Variants in ASAP3 observed in about 807,000 individuals in gnomAD.
The protein encoded by ASAP3 is arf-GAP with SH3 domain, ANK repeat and PH domain-containing protein 3.
A neutral mutation model predicts 118.2 loss-of-function variants in ASAP3; 85 were observed. The observed-to-expected ratio is 0.72, with a 90% CI of 0.60 to 0.86. The LOEUF (loss-of-function observed/expected upper bound fraction) is 0.86, where lower values mean the gene tolerates loss of function less well. Ranked by LOEUF, ASAP3 falls within the 40% of genes least tolerant of loss-of-function variation. The pLI is 0.00. For missense variants in ASAP3, 1,026 were observed against 1,175.0 expected (o/e 0.87, Z 1.85); for synonymous variants, 432 against 477.4 (o/e 0.90, Z 1.24).
intron 1 of ASAP3, among the ~76,000 whole-genome samples, chr1:23,456,788 T>C: frequency 6.6e-6 from 1 of 152,000 alleles, no homozygotes; most frequent in East Asian, 1.9e-4. Flanking sequence ...CAGGATGCTA[T>C]GGGTGAGCAG....
At chr1:23,443,882 G>A (rs554177809) in intron 5 of ASAP3, among the ~76,000 whole-genome samples, 5 of 152,054 alleles carry the variant, frequency 3.3e-5, no homozygotes, top group Admixed American at 2.6e-4. Flanking sequence ...CACCATGCCT[G>A]GCTAATTTTT....
Position 23,436,062 on chromosome 1 carries a change from G to C in ASAP3, c.1572-34C>G, listed in dbSNP as rs766347416. On this transcript the variant is annotated intron_variant, in intron 16 of 24. Coordinates refer to ENST00000336689, the MANE Select transcript of ASAP3 (RefSeq NM_017707.4). The surrounding 1 kb of genome is among the most constrained non-coding windows in gnomAD (Gnocchi z 4.2). The stretch of plus-strand genomic sequence containing the variant: ...AACAACCACAGGATCTCAGAGCATG[G>C]ACCGTGTCTGCCCAGCTGATCCCTG... The C allele has an allele frequency of 6.2e-7, 1 of 1,610,126 alleles. No homozygotes were observed. The highest frequency in any genetic ancestry group is 8.5e-7 in the Non-Finnish European group (1 of 1,176,666).
chr1:23,459,892 AC>A lies in ASAP3; in HGVS notation c.130-3699del, dbSNP rs1641514565. Among the ~76,000 whole-genome samples the A allele has an allele frequency of 4.6e-5, 7 of 152,326 alleles. No homozygotes were observed. In the South Asian group the frequency reaches 1.5e-3, roughly 32 times the overall value. ...AGTGTCCATTCTCTCTTCTTCCTTC[AC>A]AAGAAACCTGACTTTTCAGATGGCC... On this transcript the variant is annotated intron_variant, in intron 1 of 24. Coordinates refer to ENST00000336689, the MANE Select transcript of ASAP3 (RefSeq NM_017707.4).
Position 23,444,022 on chromosome 1 carries a change from C to T in ASAP3, c.474-1410G>A, listed in dbSNP as rs145053326. Among the ~76,000 whole-genome samples the T allele has an allele frequency of 2.0e-3, 310 of 152,124 alleles. 1 individual carries two copies. The highest frequency in any genetic ancestry group is 3.5e-3 in the Admixed American group (54 of 15,276). On this transcript the variant is annotated intron_variant, in intron 5 of 24. Coordinates refer to ENST00000336689, the MANE Select transcript of ASAP3 (RefSeq NM_017707.4). ...ACAGGCATGAGCCACCGTGCCTGGCCAACACCCAGCTAACTTTTGTATTTT... is the reference window on the plus strand; with the variant it reads ...ACAGGCATGAGCCACCGTGCCTGGCTAACACCCAGCTAACTTTTGTATTTT...
At position 23,442,496 on chromosome 1, in the gene ASAP3, C is replaced by A; in HGVS notation, c.585+5G>T. The A allele has an allele frequency of 6.2e-7, 1 of 1,613,362 alleles. No homozygotes were observed. Among genetic ancestry groups the A allele is most frequent in the Non-Finnish European group, 8.5e-7 (1 of 1,179,622 alleles). On this transcript the variant is annotated splice_donor_5th_base_variant and intron_variant, in intron 6 of 24. Coordinates refer to ENST00000336689, the MANE Select transcript of ASAP3 (RefSeq NM_017707.4). Reference sequence around the variant, plus strand: ...CCCCCCTCCCTCATCCAGAGCACCCCTTACCTCACACATGTGCAGCTGGAA... The same window carrying A: ...CCCCCCTCCCTCATCCAGAGCACCCATTACCTCACACATGTGCAGCTGGAA...
At chr1:23,459,172 A>G (rs1369785619) in intron 1 of ASAP3, among the ~76,000 whole-genome samples, 1 of 149,264 alleles carries the variant, frequency 6.7e-6, no homozygotes, top group South Asian at 2.1e-4. Context: ...CTCCATCTCA[A>G]AAAAAAAAAA....
chr1:23,446,399 T>C (rs866511881), intron 5 of ASAP3, among the ~76,000 whole-genome samples: 1 of 151,934 alleles, frequency 6.6e-6, no homozygotes, highest in Admixed American at 6.6e-5. Context: ...AAATATTAAA[T>C]GGAAAATTCC....
intron 5 of ASAP3, among the ~76,000 whole-genome samples, chr1:23,450,001 G>C (rs1027515043): frequency 1.3e-5 from 2 of 152,176 alleles, no homozygotes; most frequent in African/African-American, 4.8e-5. Context: ...CTCACTACCC[G>C]TCCCTGGGCC....
intron 1 of ASAP3, among the ~76,000 whole-genome samples, chr1:23,458,659 G>T (rs1270280999): frequency 6.6e-6 from 1 of 151,980 alleles, no homozygotes; most frequent in Non-Finnish European, 1.5e-5. Context: ...AGACAAAGAG[G>T]TGGAGGGGAG....
chr1:23,461,389 C>A (rs12139221), intron 1 of ASAP3, among the ~76,000 whole-genome samples: 5,559 of 152,046 alleles, frequency 0.037, 142 homozygotes, highest in Middle Eastern at 0.15. Flanking sequence ...AAAAAAAGGG[C>A]CTGGGGTGGG....
At chr1:23,456,594 A>G (rs1641395675) in intron 1 of ASAP3, among the ~76,000 whole-genome samples, 2 of 152,196 alleles carry the variant, frequency 1.3e-5, no homozygotes, top group Non-Finnish European at 2.9e-5. Context: ...TGGGGATGAT[A>G]CTAGGGGACT....
At chr1:23,463,393 C>T (rs974462184) in intron 1 of ASAP3, among the ~76,000 whole-genome samples, 16 of 151,480 alleles carry the variant, frequency 1.1e-4, no homozygotes, top group African/African-American at 3.2e-4. Context: ...CTCATCCACA[C>T]ACTCATAAAA....
At chr1:23,477,409 CT>C (rs1398543352) in intron 1 of ASAP3, among the ~76,000 whole-genome samples, 2 of 147,502 alleles carry the variant, frequency 1.4e-5, no homozygotes, top group African/African-American at 5.1e-5. Context: ...GAAGATGTTC[CT>C]TGGTGATGAG....
At chr1:23,449,125 A>C (rs1641134694) in intron 5 of ASAP3, among the ~76,000 whole-genome samples, 1 of 152,202 alleles carries the variant, frequency 6.6e-6, no homozygotes, top group Non-Finnish European at 1.5e-5. Flanking sequence ...TGGCTTGCAC[A>C]AGATTAAAAG....
chr1:23,483,020 C>T (rs1350245215), intron 1 of ASAP3, among the ~76,000 whole-genome samples: 1 of 152,100 alleles, frequency 6.6e-6, no homozygotes, highest in Admixed American at 6.5e-5. Flanking sequence ...AATCCTCTAT[C>T]ACCCTTACAA....
chr1:23,469,663 G>A (rs527671827), intron 1 of ASAP3, among the ~76,000 whole-genome samples: 3 of 152,212 alleles, frequency 2.0e-5, no homozygotes, highest in East Asian at 1.9e-4. Context: ...ACTACCTATC[G>A]CCCCACTAAC....
intron 22 of ASAP3, among the ~76,000 whole-genome samples, chr1:23,432,590 G>A (rs1435987947): frequency 6.6e-6 from 1 of 152,118 alleles, no homozygotes; most frequent in Non-Finnish European, 1.5e-5. Context: ...TCCTTCATTC[G>A]ACAAATAGTT....
chr1:23,429,979 C>T lies in ASAP3; in HGVS notation c.2638-49G>A, dbSNP rs893641538. Reference sequence around the variant, plus strand: ...ACATTTTCAAAGCACCTGTAACATACCAGGTGTTCATCTCACTCAGTTTCA... The same window carrying T: ...ACATTTTCAAAGCACCTGTAACATATCAGGTGTTCATCTCACTCAGTTTCA... On this transcript the variant is annotated intron_variant, in intron 24 of 24. Transcript: ENST00000336689. 2.7e-6 allele frequency: 4 copies of T among 1,462,096 alleles called. No individual in the cohort carries two copies. In the Admixed American group the frequency reaches 5.2e-5, roughly 19 times the overall value. The allele number at this position is 1,462,096 out of a possible 1,614,324, so 90.6% of individuals were successfully genotyped here.
At chr1:23,460,380 C>G (rs756632154) in intron 1 of ASAP3, among the ~76,000 whole-genome samples, 1 of 151,720 alleles carries the variant, frequency 6.6e-6, no homozygotes, top group Non-Finnish European at 1.5e-5. Flanking sequence ...GGTGGCACAC[C>G]GCTGTAGTCC....
Sources: gnomAD v4.1 joint callset for allele counts (sites outside exome capture counted in the v4.1 genomes callset) on GRCh38, gnomAD v4.1.1 for gene constraint, Gnocchi (gnomAD v3.1) non-coding constraint, MANE v1.5 for transcripts, NCBI Gene and HGNC (gene_info 2026-07-23, HGNC 2026-07-21) for gene names.